The following ELMO1 variants were observed in gnomAD, a reference collection of about 807,000 sequenced individuals.
ELMO1 encodes engulfment and cell motility 1.
A neutral mutation model predicts 98.9 loss-of-function variants in ELMO1; 26 were observed. That is an observed-to-expected ratio of 0.26 (90% CI 0.19 to 0.36). The LOEUF (loss-of-function observed/expected upper bound fraction) is 0.36, where lower values mean the gene tolerates loss of function less well. ELMO1 is among the 10% of genes least tolerant of loss of function. The pLI is 1.00. For synonymous variants in ELMO1, 346 were observed against 346.0 expected (o/e 1.00, Z 0.00); for missense variants, 627 against 935.2 (o/e 0.67, Z 4.30).
intron 20 of ELMO1, 71 bp from the exon 21 acceptor site, chr7:36,861,807 G>T: frequency 1.4e-6 from 2 of 1,448,232 alleles, no homozygotes; most frequent in Non-Finnish European, 1.9e-6. Flanking sequence ...GCAAATGGCT[G>T]CACATTGACC....
At chr7:37,161,696 G>C (rs1406636435) in intron 13 of ELMO1, among the ~76,000 whole-genome samples, 1 of 151,214 alleles carries the variant, frequency 6.6e-6, no homozygotes, top group East Asian at 2.0e-4. Context: ...TGTACTTTGA[G>C]TATTCTGTCA....
Position 37,291,955 on chromosome 7 carries a change from G to GTCTCCC in ELMO1, c.193-20079_193-20074dup, listed in dbSNP as rs1208928619. 5.2e-3 allele frequency among the ~76,000 whole-genome samples: 534 copies of GTCTCCC among 101,838 alleles called. 7 individuals carry two copies. The highest frequency in any genetic ancestry group is 0.019 in the African/African-American group (499 of 26,214). The allele number at this position is 101,838 out of a possible 152,430, so 66.8% of individuals were successfully genotyped here. A position where few individuals can be genotyped will look rare whatever the true frequency, so the allele number is the denominator to read the frequency against. On this transcript the variant is annotated intron_variant, in intron 4 of 21. Transcript: ENST00000310758. ...CCCCCTCCCTCTCCCTCTGCCCACG[G>GTCTCCC]TCTCCCTCTCCCTCTCTTTCCACGG...
At chr7:36,991,527 G>A (rs980253082) in intron 16 of ELMO1, among the ~76,000 whole-genome samples, 2 of 152,184 alleles carry the variant, frequency 1.3e-5, no homozygotes, top group African/African-American at 4.8e-5. Context: ...GCATTTTTAA[G>A]ACCAAAACAT....
intron 16 of ELMO1, among the ~76,000 whole-genome samples, chr7:36,977,708 G>A (rs960247785): frequency 6.6e-6 from 1 of 152,210 alleles, no homozygotes. Flanking sequence ...TCTCTTAGGT[G>A]TTTAGAGGGG....
chr7:37,197,663 T>C (rs760818991), intron 13 of ELMO1, among the ~76,000 whole-genome samples: 4 of 152,234 alleles, frequency 2.6e-5, no homozygotes, highest in African/African-American at 4.8e-5. Context: ...GGGAAGCAGG[T>C]AACTGGATCA....
intron 4 of ELMO1, among the ~76,000 whole-genome samples, chr7:37,287,502 A>C (rs1797455288): frequency 6.6e-6 from 1 of 152,252 alleles, no homozygotes; most frequent in Non-Finnish European, 1.5e-5. Flanking sequence ...ATAAGATGAT[A>C]AATGATATTT....
chr7:37,140,055 C>T (rs750189485), intron 13 of ELMO1, among the ~76,000 whole-genome samples: 5 of 152,156 alleles, frequency 3.3e-5, no homozygotes, highest in Middle Eastern at 6.8e-3. Context: ...TCAACTTACA[C>T]GAAAATCAAC....
chr7:37,104,257 T>C (rs1374793743), intron 14 of ELMO1, among the ~76,000 whole-genome samples: 4 of 151,524 alleles, frequency 2.6e-5, no homozygotes, highest in African/African-American at 7.3e-5. Context: ...CTGTAAAATA[T>C]ATTTGGTGTG....
intron 16 of ELMO1, among the ~76,000 whole-genome samples, chr7:37,000,558 C>T (rs184443411): frequency 1.5e-4 from 23 of 152,242 alleles, no homozygotes; most frequent in African/African-American, 4.3e-4. Flanking sequence ...AAGATAACTT[C>T]GGGAGGTAAA....
At chr7:36,903,084 G>A (rs374470602) in intron 16 of ELMO1, among the ~76,000 whole-genome samples, 33 of 152,268 alleles carry the variant, frequency 2.2e-4, no homozygotes, top group African/African-American at 6.7e-4. Context: ...ATGCATTGCC[G>A]TCTACCTGCC....
At chr7:36,856,763 C>T (rs1284592221) in intron 21 of ELMO1, among the ~76,000 whole-genome samples, 7 of 152,202 alleles carry the variant, frequency 4.6e-5, no homozygotes, top group Non-Finnish European at 8.8e-5. Context: ...ATGCTGGGCT[C>T]CACTCATGCA....
chr7:37,144,317 G>A (rs916992996), intron 13 of ELMO1, among the ~76,000 whole-genome samples: 1 of 151,962 alleles, frequency 6.6e-6, no homozygotes, highest in Non-Finnish European at 1.5e-5. Context: ...AATAGCCAGT[G>A]AAATAATTTT....
intron 13 of ELMO1, among the ~76,000 whole-genome samples, chr7:37,192,497 C>CAA (rs535794727): frequency 0.57 from 59,446 of 103,850 alleles, 16,236 homozygotes; most frequent in East Asian, 0.71. Flanking sequence ...GACTCCATCT[C>CAA]AAAAAAAAAA....
chr7:37,433,566 C>T (rs938053362), intron 1 of ELMO1, among the ~76,000 whole-genome samples: 1 of 152,074 alleles, frequency 6.6e-6, no homozygotes, highest in African/African-American at 2.4e-5. Context: ...GGTGTTTCCC[C>T]TTAATATTCA....
intron 11 of ELMO1, among the ~76,000 whole-genome samples, chr7:37,216,280 T>C (rs1367774230): frequency 6.6e-6 from 1 of 152,128 alleles, no homozygotes; most frequent in African/African-American, 2.4e-5. Context: ...GTACCTGATA[T>C]GTTTACAGCT....
At chr7:36,857,334 T>C (rs946119330) in intron 21 of ELMO1, among the ~76,000 whole-genome samples, 2 of 152,162 alleles carry the variant, frequency 1.3e-5, no homozygotes, top group Admixed American at 1.3e-4. Context: ...TTGGAGATCC[T>C]GATCATGTAG....
chr7:37,219,634 T>C (rs1249657129), intron 10 of ELMO1, among the ~76,000 whole-genome samples: 4 of 152,210 alleles, frequency 2.6e-5, no homozygotes, highest in Non-Finnish European at 5.9e-5. Context: ...AGGAGAATTC[T>C]ATGAGTGACA....
At chr7:37,052,738 G>A (rs1796174152) in intron 15 of ELMO1, among the ~76,000 whole-genome samples, 1 of 152,216 alleles carries the variant, frequency 6.6e-6, no homozygotes, top group Non-Finnish European at 1.5e-5. Flanking sequence ...ATTAGCAAAG[G>A]CAGCAGAATT....
chr7:36,855,296 C>T lies in ELMO1; in HGVS notation c.*255G>A. 3.9e-6 allele frequency: 2 copies of T among 517,966 alleles called. No individual in the cohort carries two copies. Among genetic ancestry groups the T allele is most frequent in the Non-Finnish European group, 7.0e-6 (2 of 285,918 alleles). The allele number at this position is 517,966 out of a possible 1,614,324, so 32.1% of individuals were successfully genotyped here. A position where few individuals can be genotyped will look rare whatever the true frequency, so the allele number is the denominator to read the frequency against. ...GCCTTCTTACTGGCAGTGGGCTTTG[C>T]TCTTGTCCCACCAGTGGACTGCAGC... is the stretch of plus-strand genomic sequence containing the variant. On this transcript the variant is annotated 3_prime_UTR_variant, in exon 22 of 22. Transcript: ENST00000310758. The surrounding 1 kb of genome is among the most constrained non-coding windows in gnomAD (Gnocchi z 4.2).
Sources: gnomAD v4.1 joint callset for allele counts (sites outside exome capture counted in the v4.1 genomes callset) on GRCh38, gnomAD v4.1.1 for gene constraint, Gnocchi (gnomAD v3.1) non-coding constraint, MANE v1.5 for transcripts, NCBI Gene and HGNC (gene_info 2026-07-23, HGNC 2026-07-21) for gene names.